CFAP54: variants seen among roughly 807,000 people sequenced by gnomAD.
CFAP54 encodes the protein cilia- and flagella-associated protein 54.
CFAP54 carries 290 observed loss-of-function variants against 370.4 expected under a neutral mutation model. That is an observed-to-expected ratio of 0.78 (90% CI 0.71 to 0.86). CFAP54 has a LOEUF of 0.86. Ranked by LOEUF, CFAP54 falls within the 40% of genes least tolerant of loss-of-function variation. The probability of loss-of-function intolerance (pLI) is 0.00; values close to 1 mark genes in which losing one functional copy is unlikely to be tolerated. For synonymous variants in CFAP54, 1,206 were observed against 1,236.5 expected (o/e 0.98, Z 0.52); for missense variants, 3,399 against 3,528.7 (o/e 0.96, Z 0.93).
chr12:96,576,750 T>G lies in CFAP54; in HGVS notation c.2785T>G (p.Ser929Ala). ...SVTLKPAPFTSEVKVSWYCIL... is the reference protein window; with the variant it reads ...SVTLKPAPFTAEVKVSWYCIL... ...GACACTCAAACCTGCTCCATTTACT[T>G]CAGAGGTTAAGGTATGGTGTCCAGT... The change falls in exon 20 of 68, where the codon TCA becomes GCA. Residue 929 changes from serine to alanine, a missense_variant. Physicochemically the swap from Ser to Ala is moderately conservative, Grantham distance 99. Coordinates refer to ENST00000524981, the MANE Select transcript of CFAP54 (RefSeq NM_001306084.2). The G allele has an allele frequency of 3.9e-6, 6 of 1,534,378 alleles. No homozygotes were observed. The South Asian group carries it at 7.2e-5, about 18-fold the overall frequency.
In CFAP54 at chr12:96,498,853, T is replaced by C. The variant is rs181113984; in HGVS notation, c.318-1981T>C. Among the ~76,000 whole-genome samples the C allele has an allele frequency of 4.2e-3, 644 of 152,270 alleles. 7 individuals are homozygous for C. The highest frequency in any genetic ancestry group is 0.015 in the African/African-American group (609 of 41,550). On this transcript the variant is annotated intron_variant, in intron 1 of 67. Coordinates refer to ENST00000524981, the MANE Select transcript of CFAP54 (RefSeq NM_001306084.2). ...GGGAATGAAAGGATAAGCCACAAACTGGGAGAAAATATTTGCAGAAGACAT... is the reference window on the plus strand; with the variant it reads ...GGGAATGAAAGGATAAGCCACAAACCGGGAGAAAATATTTGCAGAAGACAT...
At chr12:96,660,907 A>G (rs931501746) in intron 38 of CFAP54, among the ~76,000 whole-genome samples, 1 of 152,156 alleles carries the variant, frequency 6.6e-6, no homozygotes, top group East Asian at 1.9e-4. Flanking sequence ...TCAGAGAAAC[A>G]CTTGCTTACA....
At chr12:96,566,791 C>T (rs920301331) in intron 19 of CFAP54, among the ~76,000 whole-genome samples, 1 of 152,088 alleles carries the variant, frequency 6.6e-6, no homozygotes, top group Non-Finnish European at 1.5e-5. Context: ...TGATCCATTT[C>T]GCAATTATGT....
chr12:96,700,398 C>A (rs1388041841), intron 46 of CFAP54, among the ~76,000 whole-genome samples: 4 of 152,122 alleles, frequency 2.6e-5, no homozygotes, highest in African/African-American at 9.7e-5. Flanking sequence ...TCAGCCACTA[C>A]TGCTTAGTTT....
chr12:96,545,087 A>G (rs1420984421), intron 14 of CFAP54, among the ~76,000 whole-genome samples: 1 of 151,694 alleles, frequency 6.6e-6, no homozygotes. Flanking sequence ...ATTTTTTTGT[A>G]TTTTTAGTAG....
intron 19 of CFAP54, among the ~76,000 whole-genome samples, chr12:96,573,339 CT>C (rs1458835875): frequency 6.6e-6 from 1 of 152,144 alleles, no homozygotes; most frequent in East Asian, 1.9e-4. Flanking sequence ...TCAGGTAGGA[CT>C]TTCTTCCCTC....
chr12:96,521,831 A>G, intron 6 of CFAP54, 26 bp from the exon 7 acceptor site: 1 of 1,432,078 alleles, frequency 7.0e-7, no homozygotes, highest in Non-Finnish European at 9.4e-7. Context: ...TGATTTATGA[A>G]TTAAATTTAT....
chr12:96,862,610 A>G (rs991879822), intron 67 of CFAP54, among the ~76,000 whole-genome samples: 49 of 152,236 alleles, frequency 3.2e-4, no homozygotes, highest in African/African-American at 1.2e-3. Context: ...ACAAAAGACA[A>G]GAAGACTGAT....
chr12:96,557,758 A>G (rs1955769127), intron 17 of CFAP54, among the ~76,000 whole-genome samples: 1 of 151,968 alleles, frequency 6.6e-6, no homozygotes, highest in Non-Finnish European at 1.5e-5. Flanking sequence ...TCAAGCTCAA[A>G]AATGAAAGCT....
At chr12:96,851,920 A>G (rs1039927883) in intron 66 of CFAP54, among the ~76,000 whole-genome samples, 1 of 152,036 alleles carries the variant, frequency 6.6e-6, no homozygotes, top group African/African-American at 2.4e-5. Flanking sequence ...TAAGTATGGG[A>G]AAGAAAGAAA....
intron 43 of CFAP54, 32 bp from the exon 44 acceptor site, chr12:96,691,092 TATAG>T: frequency 6.3e-7 from 1 of 1,583,966 alleles, no homozygotes. Context: ...AAATGCTATC[TATAG>T]CTCTTTATAT....
intron 64 of CFAP54, among the ~76,000 whole-genome samples, chr12:96,813,371 G>C (rs886264904): frequency 6.6e-6 from 1 of 152,062 alleles, no homozygotes; most frequent in Non-Finnish European, 1.5e-5. Context: ...TGAGGCTCAA[G>C]ATTAGTACAT....
Position 96,527,309 on chromosome 12 carries a change from C to T in CFAP54, c.1222C>T (p.Gln408Ter). The stretch of plus-strand genomic sequence containing the variant: ...TGAGATGTTTGATAGCACTGCATCC[C>T]AGTTTCTGGCTGTCTTGGAAGCTCT... ...LDEMFDSTAS[Q>*]FLAVLEALSD... Residue 408 changes from glutamine to a stop codon, truncating the protein, a stop_gained, in exon 9 of 68, where the codon CAG becomes TAG. Coordinates refer to ENST00000524981, the MANE Select transcript of CFAP54 (RefSeq NM_001306084.2). LOFTEE classifies it high-confidence loss of function. The T allele has an allele frequency of 6.5e-7, 1 of 1,535,794 alleles. No homozygotes were observed. Among genetic ancestry groups the T allele is most frequent in the Non-Finnish European group, 8.7e-7 (1 of 1,146,688 alleles).
intron 8 of CFAP54, 108 bp from the exon 9 acceptor site, chr12:96,527,138 C>G (rs1017702321): frequency 2.1e-6 from 2 of 968,084 alleles, no homozygotes; most frequent in African/African-American, 3.3e-5. Flanking sequence ...GTCAAGCAAT[C>G]CTCCTGCCTT....
intron 39 of CFAP54, among the ~76,000 whole-genome samples, chr12:96,667,213 G>A (rs1288734900): frequency 6.6e-6 from 1 of 152,150 alleles, no homozygotes; most frequent in Non-Finnish European, 1.5e-5. Flanking sequence ...TGTGCACACA[G>A]TGCAAGCTGT....
chr12:96,698,782 T>C (rs1238629731), intron 45 of CFAP54, among the ~76,000 whole-genome samples: 1 of 152,074 alleles, frequency 6.6e-6, no homozygotes, highest in African/African-American at 2.4e-5. Context: ...TTCTTGGCGT[T>C]TTGAACAAAG....
At chr12:96,692,822 G>T (rs926481131) in intron 44 of CFAP54, among the ~76,000 whole-genome samples, 2 of 152,222 alleles carry the variant, frequency 1.3e-5, no homozygotes, top group African/African-American at 4.8e-5. Flanking sequence ...ATGTGACCCA[G>T]AGCTGTGGAG....
At chr12:96,870,825 G>A (rs1466491453) in intron 67 of CFAP54, among the ~76,000 whole-genome samples, 1 of 152,028 alleles carries the variant, frequency 6.6e-6, no homozygotes, top group African/African-American at 2.4e-5. Flanking sequence ...GAATTAAAAT[G>A]ATGTTTGAAG....
At chr12:96,809,054 T>G (rs1280645724) in intron 63 of CFAP54, among the ~76,000 whole-genome samples, 2 of 152,222 alleles carry the variant, frequency 1.3e-5, no homozygotes, top group Non-Finnish European at 2.9e-5. Flanking sequence ...CTTGCATTGC[T>G]GTTGAGAAGT....
Sources: gnomAD v4.1 joint callset for allele counts (sites outside exome capture counted in the v4.1 genomes callset) on GRCh38, gnomAD v4.1.1 for gene constraint, MANE v1.5 for transcripts, NCBI Gene and HGNC (gene_info 2026-07-23, HGNC 2026-07-21) for gene names.